Variants in MAMLD1 observed in about 807,000 individuals in gnomAD.
MAMLD1 encodes the protein mastermind like domain containing 1.
In MAMLD1, 14 loss-of-function variants were observed where a neutral mutation model predicts 45.0. The observed-to-expected ratio is 0.31, with a 90% CI of 0.21 to 0.49. The LOEUF is 0.49. Among genes scored for constraint, MAMLD1 ranks in the 20% least tolerant of loss-of-function variants. The pLI, the probability that MAMLD1 is intolerant of heterozygous loss-of-function variation, is 0.99. For synonymous variants in MAMLD1, 254 were observed against 247.8 expected (o/e 1.02, Z -0.24); for missense variants, 543 against 603.6 (o/e 0.90, Z 1.05).
At chrX:150,475,826 C>T (rs992355904) in intron 5 of MAMLD1, among the ~76,000 whole-genome samples, 2 of 112,122 alleles carry the variant, frequency 1.8e-5, no homozygotes, top group Non-Finnish European at 3.8e-5. Flanking sequence ...GCACACACTA[C>T]AGGCTCAATC....
At chrX:150,452,480 C>T (rs1002008364) in intron 2 of MAMLD1, among the ~76,000 whole-genome samples, 1 of 111,082 alleles carries the variant, frequency 9.0e-6, no homozygotes, top group African/African-American at 3.3e-5. Flanking sequence ...CCCTTGAGGG[C>T]CTGAGGGTGG....
At chrX:150,397,914 G>A (rs2033489293) in intron 1 of MAMLD1, among the ~76,000 whole-genome samples, 1 of 110,972 alleles carries the variant, frequency 9.0e-6, no homozygotes, top group Non-Finnish European at 1.9e-5. Flanking sequence ...GAAGTTTCAT[G>A]GCATATGCTT....
chrX:150,398,328 AGAAGAAGAAGAAGAGGAAGAG>A lies in MAMLD1; in HGVS notation c.-64+34804_-64+34824del, dbSNP rs1569564609. Among the ~76,000 whole-genome samples, 152 of 82,698 alleles carry A rather than the reference AGAAGAAGAAGAAGAGGAAGAG, an allele frequency of 1.8e-3. 1 individual carries two copies. Among genetic ancestry groups the A allele is most frequent in the Admixed American group, 6.0e-3 (43 of 7,132 alleles). 71.8% of individuals were successfully genotyped at this position (82,698 alleles called of 115,157 possible). ...AAGAAGAAGAAGAAGAAGAAGAAGA[AGAAGAAGAAGAAGAGGAAGAG>A]GAAGAGGAAGAGGAAGAGGAAGAGG... On this transcript the variant is annotated intron_variant, in intron 1 of 7. Transcript: ENST00000370401.
chrX:150,403,879 G>GAAAGAA (rs2033885708), intron 1 of MAMLD1, among the ~76,000 whole-genome samples: 1 of 85,488 alleles, frequency 1.2e-5, no homozygotes, highest in African/African-American at 4.2e-5. Flanking sequence ...AGAAAGAAAG[G>GAAAGAA]AAAGAAAGAA....
In MAMLD1 at chrX:150,512,037, G is replaced by A. The variant is rs1012851836; in HGVS notation, c.*78G>A. On this transcript the variant is annotated 3_prime_UTR_variant, in exon 8 of 8. Coordinates refer to ENST00000370401, the MANE Select transcript of MAMLD1 (RefSeq NM_005491.5). The stretch of plus-strand genomic sequence containing the variant: ...GAACAAGTCACCTCCAAGTGTAGCC[G>A]GATCAAGGCAAGCCCCCCATCTAGC... The A allele has an allele frequency of 2.9e-5, 32 of 1,104,749 alleles. No individual in the cohort carries two copies. The highest frequency in any genetic ancestry group is 1.2e-4 in the Admixed American group (4 of 33,520). 91.0% of individuals were successfully genotyped at this position (1,104,749 alleles called of 1,213,427 possible). A position where few individuals can be genotyped will look rare whatever the true frequency, so the allele number is the denominator to read the frequency against.
chrX:150,466,388 C>A (rs1337885204), intron 3 of MAMLD1, among the ~76,000 whole-genome samples: 1 of 112,130 alleles, frequency 8.9e-6, no homozygotes, highest in East Asian at 2.8e-4. Context: ...AGCTGCATGG[C>A]CTCTGACAAA....
At chrX:150,420,693 C>A (rs782247694) in intron 1 of MAMLD1, among the ~76,000 whole-genome samples, 3 of 112,547 alleles carry the variant, frequency 2.7e-5, no homozygotes, top group Non-Finnish European at 3.8e-5. Flanking sequence ...TTGGAGTACC[C>A]TGCCATGTGA....
At chrX:150,384,933 T>C (rs2032850511) in intron 1 of MAMLD1, among the ~76,000 whole-genome samples, 1 of 111,363 alleles carries the variant, frequency 9.0e-6, no homozygotes, top group Admixed American at 9.6e-5. Flanking sequence ...TATATGTGTG[T>C]GGTGAGGACA....
At chrX:150,394,698 G>C (rs1557402241) in intron 1 of MAMLD1, among the ~76,000 whole-genome samples, 1 of 111,253 alleles carries the variant, frequency 9.0e-6, no homozygotes, top group African/African-American at 3.3e-5. Context: ...TGGGGGTGCT[G>C]ATATAAACAG....
At chrX:150,496,797 T>A (rs781890603) in intron 5 of MAMLD1, among the ~76,000 whole-genome samples, 9 of 112,107 alleles carry the variant, frequency 8.0e-5, no homozygotes, top group African/African-American at 2.3e-4. Context: ...ACCTCAGAAG[T>A]GGGAAGTATA....
At position 150,385,334 on chromosome X, in the gene MAMLD1, A is replaced by T. The variant is rs1278942493; in HGVS notation, c.-64+21804A>T. 9.2e-5 allele frequency among the ~76,000 whole-genome samples: 10 copies of T among 108,945 alleles called. No homozygotes were observed. In the South Asian group the frequency reaches 4.0e-3, roughly 43 times the overall value. The allele number at this position is 108,945 out of a possible 115,157, so 94.6% of individuals were successfully genotyped here. ...CACACAGAGTTTATGCTTGAACAAC[A>T]TAGTGGTTTGGGGTACCAACCCCCT... is the stretch of plus-strand genomic sequence containing the variant. On this transcript the variant is annotated intron_variant, in intron 1 of 7. Transcript: ENST00000370401.
chrX:150,443,029 T>C (rs1232004475), intron 1 of MAMLD1, among the ~76,000 whole-genome samples: 2 of 111,614 alleles, frequency 1.8e-5, no homozygotes, highest in Admixed American at 9.5e-5. Flanking sequence ...TCATTCAAGT[T>C]ATTTTTCTTC....
chrX:150,434,141 A>G (rs1237387591), intron 1 of MAMLD1, among the ~76,000 whole-genome samples: 1 of 111,661 alleles, frequency 9.0e-6, no homozygotes, highest in African/African-American at 3.3e-5. Flanking sequence ...GGGAGGTTGT[A>G]TGTTATCAGC....
rs2036390777 is a variant in MAMLD1 at position 150,470,725 on chromosome X, C to G, written c.1152C>G (p.Pro384=). Residue 384 remains proline, a synonymous_variant, in exon 4 of 8, where the codon CCC becomes CCG. Transcript: ENST00000370401. Reference sequence around the variant, plus strand: ...CGGGTAGCACTCTCCGAGGCTCTCCCAATGCCTTACTGTCAAGCATGACGT... The same window carrying G: ...CGGGTAGCACTCTCCGAGGCTCTCCGAATGCCTTACTGTCAAGCATGACGT... ...TLSGSTLRGS[P]NALLSSMTSS... is the part of the protein sequence containing the mutation. 1 of 1,212,019 alleles carries G rather than the reference C, an allele frequency of 8.3e-7. No individual in the cohort carries two copies. Among genetic ancestry groups the G allele is most frequent in the South Asian group, 1.8e-5 (1 of 57,003 alleles).
chrX:150,371,205 A>T (rs1178142159), intron 1 of MAMLD1, among the ~76,000 whole-genome samples: 1 of 111,253 alleles, frequency 9.0e-6, no homozygotes, highest in Non-Finnish European at 1.9e-5. Flanking sequence ...CAGGTGGGGT[A>T]AGCTACCTTA....
In MAMLD1 at chrX:150,363,695, G is replaced by A. The variant is rs185002051; in HGVS notation, c.-64+165G>A. On this transcript the variant is annotated intron_variant, in intron 1 of 7. Transcript: ENST00000370401. The stretch of plus-strand genomic sequence containing the variant: ...GAGCACACGGCCCACCTGGCGCTGC[G>A]GGCGGCCACCCCCTTCTCGAACCAG... Among the ~76,000 whole-genome samples, 770 of 112,546 alleles carry A rather than the reference G, an allele frequency of 6.8e-3. 5 individuals carry two copies. Among genetic ancestry groups the A allele is most frequent in the African/African-American group, 0.024 (749 of 31,048 alleles).
chrX:150,362,116 C>T (rs1265924781), upstream of MAMLD1, among the ~76,000 whole-genome samples: 1 of 112,280 alleles, frequency 8.9e-6, no homozygotes, highest in African/African-American at 3.2e-5. Context: ...CCCTGGTCCC[C>T]GCTGCCGCCA....
chrX:150,375,493 GC>G (rs1189977987), intron 1 of MAMLD1, among the ~76,000 whole-genome samples: 2 of 112,463 alleles, frequency 1.8e-5, no homozygotes, highest in Admixed American at 9.4e-5. Flanking sequence ...CATTTGCAGA[GC>G]TTTTAAGTCC....
intron 3 of MAMLD1, among the ~76,000 whole-genome samples, chrX:150,469,365 G>T (rs1334859703): frequency 8.9e-6 from 1 of 111,873 alleles, no homozygotes; most frequent in African/African-American, 3.3e-5. Context: ...CCTTGAAGTG[G>T]GCAGATTACC....
Sources: allele counts gnomAD v4.1 joint callset (sites outside exome capture counted in the v4.1 genomes callset), GRCh38; gene constraint gnomAD v4.1.1; transcripts MANE v1.5; gene names NCBI Gene and HGNC (gene_info 2026-07-23, HGNC 2026-07-21).